MED21: variants seen among roughly 807,000 people sequenced by gnomAD.
MED21 encodes mediator complex subunit 21.
MED21 carries 9 observed loss-of-function variants against 18.2 expected under a neutral mutation model. The ratio of observed to expected loss-of-function variants is 0.49; its 90% CI spans 0.30 to 0.86. MED21 has a LOEUF of 0.86. MED21 is among the 40% of genes least tolerant of loss of function. The pLI, the probability that MED21 is intolerant of heterozygous loss-of-function variation, is 0.07. For missense variants in MED21, 150 were observed against 170.9 expected (o/e 0.88, Z 0.68); for synonymous variants, 73 against 60.5 (o/e 1.21, Z -0.96).
chr12:27,022,725 A>G, intron 1 of MED21, 104 bp downstream of exon 1: 1 of 1,597,252 alleles, frequency 6.3e-7, no homozygotes. Flanking sequence ...GAGCGGACTG[A>G]GAGACAGGGC....
At chr12:27,030,964 A>G (rs11838107), downstream of MED21, among the ~76,000 whole-genome samples, 34,464 of 152,128 alleles carry the variant, frequency 0.23, 4,926 homozygotes, top group Non-Finnish European at 0.33. Context: ...CTGGAGTGCA[A>G]TGGCACGATC....
chr12:27,038,652 A>T (rs1403388280), intron 2 of MED21: 1 of 152,248 alleles, frequency 6.6e-6, no homozygotes. Context: ...GTCTCTCAAT[A>T]GGGAGATCAA....
At chr12:27,037,685 A>G (rs575583478) in intron 2 of MED21, 1 of 152,292 alleles carries the variant, frequency 6.6e-6, no homozygotes, top group East Asian at 1.9e-4. Context: ...TTGTATTTTT[A>G]TCAATTTAGA....
downstream of MED21, among the ~76,000 whole-genome samples, chr12:27,031,547 C>G (rs1018690422): frequency 7.2e-5 from 11 of 152,142 alleles, no homozygotes; most frequent in African/African-American, 2.7e-4. Flanking sequence ...CATAGACTGT[C>G]AATTACCTTG....
intron 1 of MED21, 109 bp downstream of exon 1, chr12:27,022,730 C>A: frequency 6.3e-7 from 1 of 1,592,342 alleles, no homozygotes; most frequent in Non-Finnish European, 8.5e-7. Context: ...GACTGAGAGA[C>A]AGGGCTTCGG....
At position 27,029,742 on chromosome 12, in the gene MED21, G is replaced by T; in HGVS notation, c.*1281G>T. ...AATTGATGTTTATTAAAAACACTTT[G>T]CTATCAGATATTTGGCATAAATCTG... On this transcript the variant is annotated 3_prime_UTR_variant, in exon 4 of 4. Transcript: ENST00000282892. 1 of 983,590 alleles carries T rather than the reference G, an allele frequency of 1.0e-6. No homozygotes were observed. The highest frequency in any genetic ancestry group is 1.2e-6 in the Non-Finnish European group (1 of 828,160). 60.9% of individuals were successfully genotyped at this position (983,590 alleles called of 1,614,324 possible).
chr12:27,035,324 T>C (rs1417073395), downstream of MED21, among the ~76,000 whole-genome samples: 1 of 152,194 alleles, frequency 6.6e-6, no homozygotes, highest in African/African-American at 2.4e-5. Flanking sequence ...TTTCTTTGAA[T>C]TCCAGTTTTA....
At chr12:27,032,507 A>G (rs1941626977), downstream of MED21, among the ~76,000 whole-genome samples, 1 of 152,220 alleles carries the variant, frequency 6.6e-6, no homozygotes. Flanking sequence ...GTAGTATGAC[A>G]TGGAAAACAC....
downstream of MED21, among the ~76,000 whole-genome samples, chr12:27,032,950 G>A (rs1941629206): frequency 6.6e-6 from 1 of 152,030 alleles, no homozygotes; most frequent in South Asian, 2.1e-4. Flanking sequence ...GACATTCCCT[G>A]CTCAGCTGTC....
At chr12:27,036,214 C>G (rs982710835) in intron 2 of MED21, among the ~76,000 whole-genome samples, 3 of 152,060 alleles carry the variant, frequency 2.0e-5, no homozygotes, top group African/African-American at 7.2e-5. Flanking sequence ...TTTTCAGTGT[C>G]TTTTGGCTGC....
Position 27,027,439 on chromosome 12 carries a change from G to A in MED21, c.250G>A (p.Ala84Thr), listed in dbSNP as rs1312538325. Reference sequence around the variant, plus strand: ...CTTACCCAGTGAAGAATCTACAGCTGCTTTACAGGTAAGCCTCTATTCCTT... The same window carrying A: ...CTTACCCAGTGAAGAATCTACAGCTACTTTACAGGTAAGCCTCTATTCCTT... Reference protein sequence around the residue: ...DSLPSEESTAALQAASLYKLE... With the variant: ...DSLPSEESTATLQAASLYKLE... The change falls in exon 3 of 4, where the codon GCT becomes ACT. Residue 84 changes from alanine (A) to threonine (T), a missense_variant. Physicochemically the swap from Ala to Thr is moderately conservative, Grantham distance 58. Transcript: ENST00000282892. The A allele has an allele frequency of 7.5e-6, 12 of 1,610,046 alleles. No homozygotes were observed. The highest frequency in any genetic ancestry group is 1.0e-5 in the Non-Finnish European group (12 of 1,177,092).
At chr12:27,037,540 C>A (rs1310449561) in intron 2 of MED21, 1 of 152,140 alleles carries the variant, frequency 6.6e-6, no homozygotes, top group African/African-American at 2.4e-5. Context: ...GGAATGCTTC[C>A]AGTTTTTGCC....
At position 27,030,175 on chromosome 12, in the gene MED21, C is replaced by A; in HGVS notation, c.*1714C>A. 1 of 648,254 alleles carries A rather than the reference C, an allele frequency of 1.5e-6. No individual in the cohort carries two copies. The highest frequency in any genetic ancestry group is 2.8e-6 in the Non-Finnish European group (1 of 352,738). The allele number at this position is 648,254 out of a possible 1,614,324, so 40.2% of individuals were successfully genotyped here. A position where few individuals can be genotyped will look rare whatever the true frequency, so the allele number is the denominator to read the frequency against. On this transcript the variant is annotated 3_prime_UTR_variant, in exon 4 of 4. Coordinates refer to ENST00000282892, the MANE Select transcript of MED21 (RefSeq NM_004264.5). ...TTTTTAAGGTGAAGTCTCTGTCACC[C>A]AAGCTGAAGTGCAGTTCTGTGATCA...
intron 2 of MED21, among the ~76,000 whole-genome samples, chr12:27,026,937 T>C (rs1054190829): frequency 6.6e-6 from 1 of 150,898 alleles, no homozygotes; most frequent in African/African-American, 2.4e-5. Flanking sequence ...AGAATCTTCT[T>C]TTTTTTTTTG....
chr12:27,032,084 C>G (rs544401977), downstream of MED21, among the ~76,000 whole-genome samples: 66 of 152,274 alleles, frequency 4.3e-4, no homozygotes, highest in South Asian at 6.2e-3. Flanking sequence ...TTACCCATAT[C>G]TAAGTTGTTT....
chr12:27,025,191 T>C (rs1289860666), intron 1 of MED21, among the ~76,000 whole-genome samples: 2 of 152,314 alleles, frequency 1.3e-5, no homozygotes, highest in South Asian at 4.1e-4. Flanking sequence ...AATTTAAAAA[T>C]GAAAAATGCT....
intron 1 of MED21, among the ~76,000 whole-genome samples, chr12:27,025,384 G>A (rs1016222884): frequency 6.6e-6 from 1 of 152,192 alleles, no homozygotes; most frequent in African/African-American, 2.4e-5. Flanking sequence ...ATTATTGAAA[G>A]CTTCAAAACA....
downstream of MED21, among the ~76,000 whole-genome samples, chr12:27,035,620 G>A (rs1165032689): frequency 5.7e-5 from 7 of 123,602 alleles, no homozygotes; most frequent in Non-Finnish European, 1.1e-4. Context: ...CCCAGAGTGT[G>A]ATGTTCCCCT....
downstream of MED21, among the ~76,000 whole-genome samples, chr12:27,032,884 G>T (rs1417137303): frequency 6.6e-6 from 1 of 152,234 alleles, no homozygotes; most frequent in Middle Eastern, 3.4e-3. Context: ...GCCAGCACTG[G>T]ACTGTGGAAT....
Sources: allele counts gnomAD v4.1 joint callset (sites outside exome capture counted in the v4.1 genomes callset), GRCh38; gene constraint gnomAD v4.1.1; transcripts MANE v1.5; gene names NCBI Gene and HGNC (gene_info 2026-07-23, HGNC 2026-07-21).